The following SLC26A9 variants were observed in gnomAD, a reference collection of about 807,000 sequenced individuals.
SLC26A9 encodes solute carrier family 26 member 9.
SLC26A9 carries 46 observed loss-of-function variants against 87.1 expected under a neutral mutation model. That is an observed-to-expected ratio of 0.53 (90% confidence interval 0.42 to 0.67). The LOEUF (loss-of-function observed/expected upper bound fraction) is 0.67, where lower values mean the gene tolerates loss of function less well. SLC26A9 is among the 30% of genes least tolerant of loss of function. SLC26A9 has a pLI of 0.00. For missense variants in SLC26A9, 927 were observed against 1,018.3 expected (o/e 0.91, Z 1.22); for synonymous variants, 437 against 409.1 (o/e 1.07, Z -0.82).
chr1:205,927,891 G>A lies in SLC26A9; in HGVS notation c.1101+11C>T, dbSNP rs1416722081. 4 of 1,612,760 alleles carry A rather than the reference G, an allele frequency of 2.5e-6. No homozygotes were observed. Among genetic ancestry groups the A allele is most frequent in the Non-Finnish European group, 3.4e-6 (4 of 1,179,224 alleles). ...GTCCTGCCCAGTCCTGCCGGGGGTGGCCAGAGCTACCTGGTTCGAATCCAC... is the reference window on the plus strand; with the variant it reads ...GTCCTGCCCAGTCCTGCCGGGGGTGACCAGAGCTACCTGGTTCGAATCCAC... On this transcript the variant is annotated intron_variant, in intron 9 of 20. Transcript: ENST00000367135.
intron 17 of SLC26A9, 76 bp from the exon 18 acceptor site, chr1:205,920,306 G>T: frequency 6.3e-7 from 1 of 1,575,816 alleles, no homozygotes; most frequent in Non-Finnish European, 8.7e-7. Flanking sequence ...TTCACAAAAC[G>T]TACTTCAGAG....
At position 205,914,978 on chromosome 1, in the gene SLC26A9, A is replaced by G; in HGVS notation, c.*379T>C. The G allele has an allele frequency of 6.2e-7, 1 of 1,614,172 alleles. No homozygotes were observed. Among genetic ancestry groups the G allele is most frequent in the Non-Finnish European group, 8.5e-7 (1 of 1,180,038 alleles). On this transcript the variant is annotated 3_prime_UTR_variant, in exon 21 of 21. Transcript: ENST00000367135. ...TGAAGCTTGTACAGCAGGCCAGCACAGTTGTACTTGTCCTTCTGTTTTTGG... is the reference window on the plus strand; with the variant it reads ...TGAAGCTTGTACAGCAGGCCAGCACGGTTGTACTTGTCCTTCTGTTTTTGG...
chr1:205,915,517 C>CGTGTGT lies in SLC26A9; in HGVS notation c.2329-114_2329-113insACACAC, dbSNP rs1558117070. The CGTGTGT allele has an allele frequency of 6.0e-4, 696 of 1,159,096 alleles. 2 individuals carry two copies. In the African/African-American group the frequency reaches 0.014, roughly 24 times the overall value. 71.8% of individuals were successfully genotyped at this position (1,159,096 alleles called of 1,614,324 possible). On this transcript the variant is annotated intron_variant, in intron 20 of 20. Transcript: ENST00000367135. ...AGGAACCCCTGGCCAGAACAAAGCA[C>CGTGTGT]CTGTGTGTGTGTGTGTGTGTGTGTG... is the stretch of plus-strand genomic sequence containing the variant.
At chr1:205,922,168 C>T (rs1258954219) in intron 16 of SLC26A9, among the ~76,000 whole-genome samples, 4 of 152,146 alleles carry the variant, frequency 2.6e-5, no homozygotes. Context: ...ACAGAGTCTC[C>T]CTCTGTTGCC....
At chr1:205,916,663 A>T (rs368985861) in intron 20 of SLC26A9, among the ~76,000 whole-genome samples, 3 of 152,218 alleles carry the variant, frequency 2.0e-5, no homozygotes, top group Non-Finnish European at 2.9e-5. Flanking sequence ...AATTTCACAG[A>T]TGATAAAAAC....
intron 18 of SLC26A9, 136 bp from the exon 19 acceptor site, chr1:205,919,121 G>T: frequency 9.2e-7 from 1 of 1,090,698 alleles, no homozygotes; most frequent in Non-Finnish European, 1.3e-6. Flanking sequence ...GAGGGCCATG[G>T]CATTGGCAGT....
intron 1 of SLC26A9, among the ~76,000 whole-genome samples, chr1:205,942,147 G>A (rs1171420611): frequency 1.3e-5 from 2 of 152,200 alleles, no homozygotes; most frequent in African/African-American, 4.8e-5. Flanking sequence ...GCCAATCTCC[G>A]GAAGACTCTG....
Position 205,914,737 on chromosome 1 carries a change from T to A in SLC26A9, c.*620A>T. The A allele has an allele frequency of 1.1e-6, 1 of 912,526 alleles. No homozygotes were observed. The highest frequency in any genetic ancestry group is 1.6e-6 in the Non-Finnish European group (1 of 612,116). 56.5% of individuals were successfully genotyped at this position (912,526 alleles called of 1,614,324 possible). A position where few individuals can be genotyped will look rare whatever the true frequency, so the allele number is the denominator to read the frequency against. On this transcript the variant is annotated 3_prime_UTR_variant, in exon 21 of 21. Transcript: ENST00000367135. ...ATGTGCTTGCTGACAGCAGTGGTGG[T>A]TTGGGCAGCCTTGGGGATGATGGAG...
At chr1:205,923,871 G>A (rs956964224) in intron 13 of SLC26A9, among the ~76,000 whole-genome samples, 8 of 152,148 alleles carry the variant, frequency 5.3e-5, no homozygotes, top group African/African-American at 1.9e-4. Context: ...GGGAGAAGTG[G>A]TGGGAGTCGC....
intron 6 of SLC26A9, 123 bp from the exon 7 acceptor site, chr1:205,929,479 TA>T: frequency 7.0e-7 from 1 of 1,419,888 alleles, no homozygotes; most frequent in Non-Finnish European, 9.4e-7. Context: ...AAGACAGAAT[TA>T]AAACCCTGAT....
Position 205,928,018 on chromosome 1 carries a change from G to A in SLC26A9, c.985C>T (p.Gln329Ter), listed in dbSNP as rs1659153178. The stretch of plus-strand genomic sequence containing the variant: ...GCTGTGCCTATCATGTCCTTCCACT[G>A]TGAGACCACAGGCGACACCGGGGTG... ...FPTPVSPVVS[Q>*]WKDMIGTAFS... Residue 329 changes from glutamine to a stop codon, truncating the protein, a stop_gained, in exon 9 of 21, where the codon CAG becomes TAG. Transcript: ENST00000367135. LOFTEE classifies it high-confidence loss of function. 3 of 1,613,876 alleles carry A rather than the reference G, an allele frequency of 1.9e-6. No individual in the cohort carries two copies. Among genetic ancestry groups the A allele is most frequent in the African/African-American group, 2.7e-5 (2 of 74,896 alleles).
chr1:205,925,531 G>A (rs1659031211), intron 12 of SLC26A9, among the ~76,000 whole-genome samples: 1 of 152,186 alleles, frequency 6.6e-6, no homozygotes, highest in Admixed American at 6.5e-5. Context: ...CTTGGGCTGG[G>A]AACTGAGGTA....
intron 1 of SLC26A9, 126 bp from the exon 2 acceptor site, chr1:205,935,964 G>T (rs1412752708): frequency 1.7e-6 from 2 of 1,174,850 alleles, no homozygotes; most frequent in East Asian, 2.7e-5. Context: ...GATAAAGCAA[G>T]GTGCCTCCCT....
intron 5 of SLC26A9, among the ~76,000 whole-genome samples, chr1:205,931,529 C>T (rs544865589): frequency 2.0e-4 from 27 of 133,448 alleles, no homozygotes; most frequent in African/African-American, 7.4e-4. Flanking sequence ...TGCAGTGGCG[C>T]GATCTCGGCT....
Position 205,930,000 on chromosome 1 carries a change from G to T in SLC26A9, c.609C>A (p.Phe203Leu), listed in dbSNP as rs770565446. 1.2e-6 allele frequency: 2 copies of T among 1,613,836 alleles called. No individual in the cohort carries two copies. Among genetic ancestry groups the T allele is most frequent in the Non-Finnish European group, 1.7e-6 (2 of 1,179,738 alleles). ...CGGCGGCCGTCATGAAGCCCCGGAT[G>T]AAGGACTCGGAGAGGTAGATGGCCA... ...GFVAIYLSES[F>L]IRGFMTAAGL... The change falls in exon 6 of 21, where the codon TTC becomes TTA. Residue 203 changes from phenylalanine (F) to leucine (L), a missense_variant. Coordinates refer to ENST00000367135, the MANE Select transcript of SLC26A9 (RefSeq NM_052934.4).
At chr1:205,924,174 G>C (rs1206322558) in intron 13 of SLC26A9, among the ~76,000 whole-genome samples, 1 of 152,138 alleles carries the variant, frequency 6.6e-6, no homozygotes, top group Non-Finnish European at 1.5e-5. Flanking sequence ...GGCTTTCTCT[G>C]GGGTTTTCAA....
At chr1:205,930,152 G>A in intron 5 of SLC26A9, 96 bp from the exon 6 acceptor site, 1 of 1,358,356 alleles carries the variant, frequency 7.4e-7, no homozygotes, top group South Asian at 1.5e-5. Flanking sequence ...GGAGCTCCGT[G>A]CAGTCCTAGC....
At position 205,923,584 on chromosome 1, in the gene SLC26A9, A is replaced by C; in HGVS notation, c.1526T>G (p.Met509Arg). Residue 509 changes from methionine (M) to arginine (R), a missense_variant, in exon 14 of 21, where the codon ATG (methionine) becomes AGG (arginine). Met to Arg is a moderately conservative substitution (Grantham distance 91). Coordinates refer to ENST00000367135, the MANE Select transcript of SLC26A9 (RefSeq NM_052934.4). ...FRNGYALAQV[M>R]DTDIYVNPKT... ...GGGATTCACATAAATGTCAGTGTCC[A>C]TGACCTGGGCCAGTGCATAGCCATT... is the stretch of plus-strand genomic sequence containing the variant. 1 of 1,614,234 alleles carries C rather than the reference A, an allele frequency of 6.2e-7. No homozygotes were observed. Among genetic ancestry groups the C allele is most frequent in the Non-Finnish European group, 8.5e-7 (1 of 1,180,040 alleles).
At chr1:205,940,201 GGTC>G (rs1348322382) in intron 1 of SLC26A9, among the ~76,000 whole-genome samples, 1 of 152,140 alleles carries the variant, frequency 6.6e-6, no homozygotes, top group African/African-American at 2.4e-5. Flanking sequence ...GGGATGCAGG[GGTC>G]GTGCGAGCCG....
Sources: allele counts gnomAD v4.1 joint callset (sites outside exome capture counted in the v4.1 genomes callset), GRCh38; gene constraint gnomAD v4.1.1; transcripts MANE v1.5; gene names NCBI Gene and HGNC (gene_info 2026-07-23, HGNC 2026-07-21).